KHDC1: variants seen among roughly 807,000 people sequenced by gnomAD.
KHDC1 encodes KH domain containing 1.
KHDC1 carries 21 observed loss-of-function variants against 24.7 expected under a neutral mutation model. The ratio of observed to expected loss-of-function variants is 0.85; its 90% CI spans 0.60 to 1.23. The LOEUF is 1.23. Among genes scored for constraint, KHDC1 ranks in the 50% most tolerant of loss-of-function variants. The probability of loss-of-function intolerance (pLI) is 0.00; values close to 1 mark genes in which losing one functional copy is unlikely to be tolerated. For synonymous variants in KHDC1, 98 were observed against 111.7 expected, an observed-to-expected ratio of 0.88 and a Z score of 0.77; for missense variants, 274 against 298.5, an observed-to-expected ratio of 0.92 and a Z score of 0.61.
Position 73,259,860 on chromosome 6 carries a change from A to AGTTATAT in KHDC1, c.207-17331_207-17330insATATAAC. ...TCTTTGTCCTAACTAGGCATTTACC[A>AGTTATAT]TATAAACATAATAAGAAACAAGCCC... On this transcript the variant is annotated intron_variant, in intron 2 of 4. Coordinates refer to ENST00000370384, the Ensembl canonical transcript of KHDC1. Among the ~76,000 whole-genome samples, 2 of 152,326 alleles carry AGTTATAT rather than the reference A, an allele frequency of 1.3e-5. 1 individual carries two copies.
chr6:73,254,227 A>C (rs1403087263), intron 2 of KHDC1, among the ~76,000 whole-genome samples: 3 of 152,094 alleles, frequency 2.0e-5, no homozygotes, highest in Admixed American at 2.0e-4. Context: ...TGGGAGGCCG[A>C]GGCGGGTGGG....
chr6:73,251,052 C>T (rs1301286388), intron 2 of KHDC1, among the ~76,000 whole-genome samples: 1 of 152,084 alleles, frequency 6.6e-6, no homozygotes, highest in Non-Finnish European at 1.5e-5. Context: ...TCGTCAAACT[C>T]CTGACCTCAA....
rs1390690369 is a variant in KHDC1, at chr6:73,292,963, TGA to T, written c.164-925_164-924del. On this transcript the variant is annotated intron_variant, in intron 1 of 4. Transcript: ENST00000370384. ...TTGACAATGCCCATCTCTTCATATTTGAGACTTTCTGTCACATCCACCAGTGT... is the reference window on the plus strand; with the variant it reads ...TTGACAATGCCCATCTCTTCATATTTGACTTTCTGTCACATCCACCAGTGT... 14 of 915,076 alleles carry T rather than the reference TGA, an allele frequency of 1.5e-5. No homozygotes were observed. In the African/African-American group the frequency reaches 1.6e-4, roughly 11 times the overall value. The allele number at this position is 915,076 out of a possible 1,614,324, so 56.7% of individuals were successfully genotyped here. A position where few individuals can be genotyped will look rare whatever the true frequency, so the allele number is the denominator to read the frequency against.
chr6:73,243,485 AGTTG>A, intron 2 of KHDC1, among the ~76,000 whole-genome samples: 1 of 152,352 alleles, frequency 6.6e-6, no homozygotes, highest in Non-Finnish European at 1.5e-5. Context: ...ATCTGCATAC[AGTTG>A]ATCTCTCATG....
chr6:73,253,842 G>A (rs1766827103), intron 2 of KHDC1, among the ~76,000 whole-genome samples: 1 of 152,156 alleles, frequency 6.6e-6, no homozygotes. Context: ...AGGAATTTGA[G>A]GCTGCTGTGA....
chr6:73,275,796 CAGA>C (rs1273159777), intron 2 of KHDC1: 1 of 152,860 alleles, frequency 6.5e-6, no homozygotes, highest in Non-Finnish European at 1.5e-5. Flanking sequence ...CCTGGTGTTC[CAGA>C]AGGAGTTCAA....
intron 2 of KHDC1, among the ~76,000 whole-genome samples, chr6:73,280,238 C>A (rs1252368879): frequency 1.3e-5 from 2 of 152,152 alleles, no homozygotes; most frequent in Non-Finnish European, 2.9e-5. Flanking sequence ...CTCACTACAG[C>A]CTCTACCTAC....
chr6:73,289,802 C>G (rs1287874365), intron 2 of KHDC1, among the ~76,000 whole-genome samples: 1 of 151,430 alleles, frequency 6.6e-6, no homozygotes, highest in Non-Finnish European at 1.5e-5. Flanking sequence ...TACTAAAATA[C>G]AAAAAATTAG....
rs1009024596 is a variant in KHDC1, at chr6:73,293,081, G to T, written c.164-1041C>A. 1.5e-5 allele frequency: 15 copies of T among 971,038 alleles called. No individual in the cohort carries two copies. The African/African-American group carries it at 2.1e-4, about 13-fold the overall frequency. The allele number at this position is 971,038 out of a possible 1,614,324, so 60.2% of individuals were successfully genotyped here. On this transcript the variant is annotated intron_variant, in intron 1 of 4. Coordinates refer to ENST00000370384, the Ensembl canonical transcript of KHDC1. ...AAATGTGATTAGAAATGCAAGACTGGATGCCAAGATTGATTCTAAATTAGG... is the reference window on the plus strand; with the variant it reads ...AAATGTGATTAGAAATGCAAGACTGTATGCCAAGATTGATTCTAAATTAGG...
chr6:73,255,057 TGACA>T (rs1766857102), intron 2 of KHDC1, among the ~76,000 whole-genome samples: 2 of 151,762 alleles, frequency 1.3e-5, no homozygotes, highest in Admixed American at 1.3e-4. Context: ...ACTGTATAGC[TGACA>T]GACAGGACTT....
intron 2 of KHDC1, among the ~76,000 whole-genome samples, chr6:73,250,543 C>T (rs1460303533): frequency 6.6e-6 from 1 of 152,230 alleles, no homozygotes; most frequent in Non-Finnish European, 1.5e-5. Flanking sequence ...AATTTGAGCC[C>T]TTGGCATAAT....
chr6:73,263,363 T>A, intron 2 of KHDC1, 167 bp from the exon 1 acceptor site: 1 of 846,676 alleles, frequency 1.2e-6, no homozygotes, highest in Non-Finnish European at 1.4e-6. Flanking sequence ...GACGAGCCAG[T>A]GGCAATGACC....
intron 2 of KHDC1, 62 bp from the exon 2 acceptor site, chr6:73,242,592 A>G: frequency 6.2e-7 from 1 of 1,608,468 alleles, no homozygotes; most frequent in Non-Finnish European, 8.5e-7. Flanking sequence ...AAAGTGAGGG[A>G]GGGCCTAGGC....
chr6:73,287,217 G>A (rs774056199), intron 2 of KHDC1, among the ~76,000 whole-genome samples: 2 of 152,084 alleles, frequency 1.3e-5, no homozygotes, highest in Non-Finnish European at 2.9e-5. Context: ...TCTGAGAGCC[G>A]GGACTTACAG....
At chr6:73,270,578 T>G (rs939227858) in intron 2 of KHDC1, 13 of 152,224 alleles carry the variant, frequency 8.5e-5, no homozygotes, top group Admixed American at 5.2e-4. Context: ...CATATCTTTT[T>G]GAGGTATTCA....
intron 1 of KHDC1, chr6:73,299,437 T>C (rs966790827): frequency 6.6e-6 from 1 of 152,358 alleles, no homozygotes; most frequent in Admixed American, 6.5e-5. Flanking sequence ...AGCCGCTGAC[T>C]GCGGAGCTGG....
At chr6:73,251,639 T>G (rs1402024705) in intron 2 of KHDC1, among the ~76,000 whole-genome samples, 1 of 152,182 alleles carries the variant, frequency 6.6e-6, no homozygotes, top group Non-Finnish European at 1.5e-5. Flanking sequence ...TCTTCTATTT[T>G]GGACATAAGG....
intron 2 of KHDC1, among the ~76,000 whole-genome samples, chr6:73,273,160 TTTTGTTTG>T (rs541599284): frequency 8.2e-4 from 104 of 126,598 alleles, no homozygotes; most frequent in Admixed American, 2.1e-3. Context: ...CGCCCAGCTT[TTTTGTTTG>T]TTTGTTTGTT....
chr6:73,273,411 C>G (rs1392285764), intron 2 of KHDC1, among the ~76,000 whole-genome samples: 9 of 148,138 alleles, frequency 6.1e-5, no homozygotes, highest in East Asian at 4.1e-4. Context: ...GAAGTGATCC[C>G]CCCGCCTCGG....
Sources: gnomAD v4.1 joint callset for allele counts (sites outside exome capture counted in the v4.1 genomes callset) on GRCh38, gnomAD v4.1.1 for gene constraint, MANE v1.5 for transcripts, NCBI Gene and HGNC (gene_info 2026-07-23, HGNC 2026-07-21) for gene names.